FAM193A: variants seen among roughly 807,000 people sequenced by gnomAD.
FAM193A encodes the protein family with sequence similarity 193 member A.
In FAM193A, 22 loss-of-function variants were observed where a neutral mutation model predicts 126.5. The ratio of observed to expected loss-of-function variants is 0.17; its 90% CI spans 0.12 to 0.25. The LOEUF is 0.25. Among genes scored for constraint, FAM193A ranks in the 10% least tolerant of loss-of-function variants. FAM193A has a pLI of 1.00. For synonymous variants in FAM193A, 761 were observed against 646.8 expected, an observed-to-expected ratio of 1.18 and a Z score of -2.68; for missense variants, 1,675 against 1,672.8, an observed-to-expected ratio of 1.00 and a Z score of -0.02.
At chr4:2,654,927 G>A in intron 7 of FAM193A, 1 of 472,638 alleles carries the variant, frequency 2.1e-6, no homozygotes, top group Non-Finnish European at 3.8e-6. Context: ...CCAGATGCCG[G>A]CATTAACTCT....
At chr4:2,731,416 G>A (rs1172030866) in intron 20 of FAM193A, among the ~76,000 whole-genome samples, 8 of 151,848 alleles carry the variant, frequency 5.3e-5, no homozygotes, top group Non-Finnish European at 1.2e-4. Flanking sequence ...GAACTCCTAA[G>A]TTGAAGTGAT....
intron 2 of FAM193A, among the ~76,000 whole-genome samples, chr4:2,614,186 A>G (rs1326779036): frequency 2.6e-5 from 4 of 152,142 alleles, no homozygotes; most frequent in Non-Finnish European, 5.9e-5. Flanking sequence ...TAGTTTTTCC[A>G]ATGTGAGATT....
intron 2 of FAM193A, among the ~76,000 whole-genome samples, chr4:2,620,267 G>T (rs1324170137): frequency 6.6e-6 from 1 of 152,140 alleles, no homozygotes; most frequent in Non-Finnish European, 1.5e-5. Context: ...TCCAGGAAAT[G>T]TTGCTTTCCC....
intron 2 of FAM193A, among the ~76,000 whole-genome samples, chr4:2,611,426 G>A (rs1741866723): frequency 6.6e-6 from 1 of 151,816 alleles, no homozygotes; most frequent in South Asian, 2.1e-4. Context: ...CAGCCACCAT[G>A]CATAGTTAAT....
chr4:2,729,039 T>C (rs1361848412), intron 20 of FAM193A, among the ~76,000 whole-genome samples: 1 of 150,992 alleles, frequency 6.6e-6, no homozygotes, highest in Non-Finnish European at 1.5e-5. Flanking sequence ...GCCTCCTCCA[T>C]CCACCAGGGA....
At chr4:2,584,605 T>G (rs1375794275) in intron 1 of FAM193A, among the ~76,000 whole-genome samples, 1 of 152,140 alleles carries the variant, frequency 6.6e-6, no homozygotes, top group East Asian at 1.9e-4. Context: ...ACTACTCGAT[T>G]ACAGTTTCCT....
chr4:2,663,096 A>T lies in FAM193A; in HGVS notation c.1900-13A>T. 1 of 1,606,202 alleles carries T rather than the reference A, an allele frequency of 6.2e-7. No homozygotes were observed. The highest frequency in any genetic ancestry group is 1.3e-5 in the African/African-American group (1 of 74,630). ...TTTTGAAAAGTGCAAATTACAAAAG[A>T]TTGTCTTTAAAGTCTCCTCAGATAA... is the stretch of plus-strand genomic sequence containing the variant. On this transcript the variant is annotated splice_polypyrimidine_tract_variant and intron_variant, in intron 11 of 20. Coordinates refer to ENST00000637812, the MANE Select transcript of FAM193A (RefSeq NM_001366318.2).
At chr4:2,685,454 G>GATC (rs1277208514) in intron 13 of FAM193A, among the ~76,000 whole-genome samples, 1 of 152,212 alleles carries the variant, frequency 6.6e-6, no homozygotes, top group Non-Finnish European at 1.5e-5. Flanking sequence ...GCAATATGGG[G>GATC]ATCACATTGT....
intron 7 of FAM193A, among the ~76,000 whole-genome samples, chr4:2,654,055 A>G (rs554837490): frequency 3.3e-5 from 5 of 152,200 alleles, no homozygotes; most frequent in Non-Finnish European, 7.3e-5. Flanking sequence ...AGCTGTTTTA[A>G]TGCACTATTT....
chr4:2,661,208 C>G (rs543705654), intron 10 of FAM193A, among the ~76,000 whole-genome samples: 1 of 152,326 alleles, frequency 6.6e-6, no homozygotes, highest in South Asian at 2.1e-4. Flanking sequence ...CTCGGGACAT[C>G]TGGGCCTTCA....
At chr4:2,699,640 C>A in intron 18 of FAM193A, 40 bp from the exon 19 acceptor site, 3 of 1,549,502 alleles carry the variant, frequency 1.9e-6, no homozygotes, top group South Asian at 2.5e-5. Context: ...ATTTTTAGCA[C>A]TCACTGTAGT....
intron 10 of FAM193A, among the ~76,000 whole-genome samples, chr4:2,661,655 G>A (rs997806661): frequency 5.3e-5 from 8 of 152,146 alleles, no homozygotes; most frequent in East Asian, 1.9e-4. Flanking sequence ...AAAAGACACC[G>A]GAATTTGGTA....
chr4:2,599,840 A>C (rs1741091511), intron 2 of FAM193A, among the ~76,000 whole-genome samples: 1 of 150,868 alleles, frequency 6.6e-6, no homozygotes, highest in Admixed American at 6.6e-5. Flanking sequence ...GGTTCAAGAG[A>C]CTATCGTGCC....
intron 4 of FAM193A, among the ~76,000 whole-genome samples, chr4:2,628,824 T>A (rs945808920): frequency 3.9e-5 from 6 of 151,978 alleles, no homozygotes; most frequent in African/African-American, 1.4e-4. Flanking sequence ...ATGAGCTTCC[T>A]AGCTTCTTCA....
chr4:2,648,631 C>T (rs1745369551), intron 7 of FAM193A, among the ~76,000 whole-genome samples: 1 of 152,224 alleles, frequency 6.6e-6, no homozygotes, highest in Non-Finnish European at 1.5e-5. Flanking sequence ...GCCTTCATCT[C>T]GTGAGGCCTG....
At chr4:2,681,513 C>A (rs1489938370) in intron 13 of FAM193A, among the ~76,000 whole-genome samples, 1 of 152,058 alleles carries the variant, frequency 6.6e-6, no homozygotes, top group Admixed American at 6.6e-5. Context: ...TGTAGTGGTG[C>A]GATCTTGGGT....
At chr4:2,625,488 A>AC (rs1742858962) in intron 3 of FAM193A, 93 bp downstream of exon 3, 1 of 580,940 alleles carries the variant, frequency 1.7e-6, no homozygotes, top group African/African-American at 1.9e-5. Flanking sequence ...GGCTAATGTG[A>AC]CAGACAGCAA....
chr4:2,693,601 G>A lies in FAM193A; in HGVS notation c.2819G>A (p.Gly940Asp). ...RPPSVGDVFH[G>D]ISKEDHRHSA... ...CTAAATGCAGGTGACGTGTTTCATG[G>A]CATCAGCAAGGAGGACCACAGACAC... is the stretch of plus-strand genomic sequence containing the variant. The change falls in exon 16 of 21, where the codon GGC becomes GAC. Residue 940 changes from glycine (G) to aspartate (D), a missense_variant. Around this residue, in one of 4 missense-constraint regions of FAM193A, gnomAD observed 1,186 missense variants for 1,109.2 expected, o/e 1.07. Coordinates refer to ENST00000637812, the MANE Select transcript of FAM193A (RefSeq NM_001366318.2). 1 of 1,610,222 alleles carries A rather than the reference G, an allele frequency of 6.2e-7. No homozygotes were observed. The highest frequency in any genetic ancestry group is 8.5e-7 in the Non-Finnish European group (1 of 1,176,884).
chr4:2,667,254 A>G (rs1213992730), intron 12 of FAM193A, among the ~76,000 whole-genome samples: 3 of 152,234 alleles, frequency 2.0e-5, no homozygotes, highest in Admixed American at 2.0e-4. Flanking sequence ...CAGTAACCCC[A>G]TTCCTGAGAG....
Sources: allele counts gnomAD v4.1 joint callset (sites outside exome capture counted in the v4.1 genomes callset), GRCh38; gene constraint gnomAD v4.1.1; regional missense constraint gnomAD v4.1.1; transcripts MANE v1.5; gene names NCBI Gene and HGNC (gene_info 2026-07-23, HGNC 2026-07-21).